The following SIPA1L1 variants were observed in gnomAD, a reference collection of about 807,000 sequenced individuals.
SIPA1L1 encodes signal induced proliferation associated 1 like 1.
SIPA1L1 carries 26 observed loss-of-function variants against 162.7 expected under a neutral mutation model. The ratio of observed to expected loss-of-function variants is 0.16; its 90% CI spans 0.12 to 0.22. The LOEUF is 0.22. SIPA1L1 is among the 10% of genes least tolerant of loss of function. The pLI, the probability that SIPA1L1 is intolerant of heterozygous loss-of-function variation, is 1.00. For missense variants in SIPA1L1, 1,874 were observed against 2,241.0 expected (o/e 0.84, Z 3.31); for synonymous variants, 829 against 837.4 (o/e 0.99, Z 0.17).
intron 17 of SIPA1L1, 110 bp downstream of exon 17, chr14:71,709,774 G>A: frequency 1.2e-6 from 1 of 832,390 alleles, no homozygotes; most frequent in Non-Finnish European, 1.8e-6. Context: ...AGGTTTTTCT[G>A]CAGTGACAAT....
At position 71,661,343 on chromosome 14, in the gene SIPA1L1, G is replaced by A. The variant is rs1200913509; in HGVS notation, c.2131G>A (p.Val711Ile). ...LRKRHIGNDI[V>I]TIVFQEPGAQ... is the part of the protein sequence containing the mutation. ...GAAGCGGCACATTGGAAATGATATC[G>A]TAACAATTGTTTTCCAAGAGCCTGG... The change falls in exon 10 of 24, where the codon GTA becomes ATA. Residue 711 changes from valine to isoleucine, a missense_variant. By Grantham distance (29) the Val-to-Ile change is conservative (BLOSUM62 3). This residue lies in a region of SIPA1L1 where 243 missense variants were observed against 315.0 expected (regional missense o/e 0.77). Coordinates refer to ENST00000381232, the MANE Select transcript of SIPA1L1 (RefSeq NM_001386936.1). The A allele has an allele frequency of 2.5e-6, 4 of 1,613,716 alleles. No individual in the cohort carries two copies. The highest frequency in any genetic ancestry group is 2.2e-5 in the South Asian group (2 of 91,056).
chr14:71,486,453 T>C (rs1017108156), intron 2 of SIPA1L1, among the ~76,000 whole-genome samples: 1 of 152,238 alleles, frequency 6.6e-6, no homozygotes, highest in African/African-American at 2.4e-5. Context: ...TTCTGGAATC[T>C]CTACTCATTG....
chr14:71,358,355 C>G (rs1344201725), intron 2 of SIPA1L1, among the ~76,000 whole-genome samples: 1 of 152,164 alleles, frequency 6.6e-6, no homozygotes. Context: ...TTACACACAG[C>G]TCTCTTCTAT....
At chr14:71,734,048 T>G (rs1241141072) in intron 21 of SIPA1L1, among the ~76,000 whole-genome samples, 1 of 152,194 alleles carries the variant, frequency 6.6e-6, no homozygotes, top group Non-Finnish European at 1.5e-5. Flanking sequence ...ATGCCTCGCC[T>G]CCTCCGTATA....
At chr14:71,601,507 A>G (rs1363140468) in intron 5 of SIPA1L1, among the ~76,000 whole-genome samples, 1 of 151,992 alleles carries the variant, frequency 6.6e-6, no homozygotes, top group Non-Finnish European at 1.5e-5. Context: ...ATTTTGTTGA[A>G]CATTTTTGCA....
rs370878689 is a variant in SIPA1L1 at position 71,464,460 on chromosome 14, A to G, written c.-464-48283A>G. Among the ~76,000 whole-genome samples, 415 of 152,128 alleles carry G rather than the reference A, an allele frequency of 2.7e-3. 1 individual carries two copies. The highest frequency in any genetic ancestry group is 9.0e-3 in the African/African-American group (375 of 41,516). Reference sequence around the variant, plus strand: ...CTTCGAGACCAGCCTGACCAACATGATGAGACCCTGTCTCTTCTAAAAATA... The same window carrying G: ...CTTCGAGACCAGCCTGACCAACATGGTGAGACCCTGTCTCTTCTAAAAATA... On this transcript the variant is annotated intron_variant, in intron 2 of 23. Transcript: ENST00000381232.
At chr14:71,351,548 T>G (rs2036708565) in intron 2 of SIPA1L1, among the ~76,000 whole-genome samples, 1 of 152,188 alleles carries the variant, frequency 6.6e-6, no homozygotes, top group Non-Finnish European at 1.5e-5. Context: ...TAGCTTTCAT[T>G]TATAAAATTA....
At chr14:71,708,023 T>G (rs1359494367) in intron 16 of SIPA1L1, among the ~76,000 whole-genome samples, 10 of 126,006 alleles carry the variant, frequency 7.9e-5, no homozygotes, top group South Asian at 3.0e-4. Context: ...GTGTTTTTTT[T>G]TTTTTGTTTT....
intron 2 of SIPA1L1, among the ~76,000 whole-genome samples, chr14:71,460,399 A>T (rs1331853502): frequency 6.6e-6 from 1 of 152,158 alleles, no homozygotes; most frequent in Non-Finnish European, 1.5e-5. Context: ...GGGCATAGTA[A>T]TACTGAGAGA....
At chr14:71,564,691 A>G (rs1195096785) in intron 4 of SIPA1L1, among the ~76,000 whole-genome samples, 1 of 151,752 alleles carries the variant, frequency 6.6e-6, no homozygotes, top group East Asian at 1.9e-4. Context: ...GGATTTTACC[A>G]TGTTAGCCAG....
chr14:71,704,692 T>C, intron 15 of SIPA1L1: 1 of 1,571,354 alleles, frequency 6.4e-7, no homozygotes, highest in South Asian at 1.1e-5. Flanking sequence ...AGTAAACTAG[T>C]TGCTGTGTGT....
At chr14:71,351,905 T>G (rs1365654826) in intron 2 of SIPA1L1, among the ~76,000 whole-genome samples, 1 of 151,560 alleles carries the variant, frequency 6.6e-6, no homozygotes, top group Non-Finnish European at 1.5e-5. Flanking sequence ...AAAATATCTG[T>G]GTTCATGGAA....
chr14:71,488,344 A>T (rs1345590062), intron 2 of SIPA1L1, among the ~76,000 whole-genome samples: 1 of 152,138 alleles, frequency 6.6e-6, no homozygotes, highest in Non-Finnish European at 1.5e-5. Context: ...ATGTTTATAG[A>T]TGTGTTTTCA....
intron 4 of SIPA1L1, among the ~76,000 whole-genome samples, chr14:71,534,430 A>G (rs146486385): frequency 5.2e-4 from 79 of 152,334 alleles, no homozygotes; most frequent in Non-Finnish European, 9.3e-4. Context: ...TAAGACCTCA[A>G]TCAAGACTTC....
intron 4 of SIPA1L1, among the ~76,000 whole-genome samples, chr14:71,550,117 G>A (rs1262218307): frequency 6.6e-6 from 1 of 152,094 alleles, no homozygotes; most frequent in African/African-American, 2.4e-5. Flanking sequence ...CAGGTGTGTT[G>A]GTGCGTGCAC....
intron 17 of SIPA1L1, among the ~76,000 whole-genome samples, chr14:71,718,262 G>C (rs1187606809): frequency 6.6e-6 from 1 of 152,228 alleles, no homozygotes; most frequent in African/African-American, 2.4e-5. Flanking sequence ...GCTTCATGCT[G>C]TGAGTTGTGT....
chr14:71,677,644 T>G (rs1430125752), intron 12 of SIPA1L1, among the ~76,000 whole-genome samples: 1 of 152,220 alleles, frequency 6.6e-6, no homozygotes, highest in East Asian at 1.9e-4. Context: ...TTGAATTAAT[T>G]TTTGTATAAG....
chr14:71,700,838 C>CA (rs1404508007), intron 14 of SIPA1L1, among the ~76,000 whole-genome samples: 1 of 151,412 alleles, frequency 6.6e-6, no homozygotes, highest in South Asian at 2.1e-4. Flanking sequence ...ACTAAAAATA[C>CA]AAAAAATTAG....
intron 8 of SIPA1L1, 42 bp downstream of exon 8, chr14:71,650,551 CT>C: frequency 6.4e-6 from 10 of 1,553,926 alleles, no homozygotes; most frequent in Non-Finnish European, 8.0e-6. Context: ...TATTTTCCCC[CT>C]GTTGTGCTGT....
Sources: gnomAD v4.1 joint callset for allele counts (sites outside exome capture counted in the v4.1 genomes callset) on GRCh38, gnomAD v4.1.1 for gene constraint, gnomAD v4.1.1 regional missense constraint, MANE v1.5 for transcripts, NCBI Gene and HGNC (gene_info 2026-07-23, HGNC 2026-07-21) for gene names.